ATP8B2: variants seen among roughly 807,000 people sequenced by gnomAD.
ATP8B2 encodes the protein phospholipid-transporting ATPase ID.
A neutral mutation model predicts 133.4 loss-of-function variants in ATP8B2; 70 were observed. The observed-to-expected ratio is 0.52, with a 90% CI of 0.43 to 0.64. ATP8B2 has a LOEUF of 0.64. Ranked by LOEUF, ATP8B2 falls within the 30% of genes least tolerant of loss-of-function variation. The pLI is 0.00. For missense variants in ATP8B2, 1,101 were observed against 1,535.7 expected (o/e 0.72, Z 4.73); for synonymous variants, 517 against 589.5 (o/e 0.88, Z 1.78).
In ATP8B2 at chr1:154,328,650, C is replaced by A. The variant is rs935206104; in HGVS notation, c.31+478C>A. 1 of 527,298 alleles carries A rather than the reference C, an allele frequency of 1.9e-6. No homozygotes were observed. Among genetic ancestry groups the A allele is most frequent in the South Asian group, 7.8e-5 (1 of 12,822 alleles). The allele number at this position is 527,298 out of a possible 1,614,324, so 32.7% of individuals were successfully genotyped here. ...GAGGCGGGGCTCGCGCGCGAGCTTT[C>A]GCCTACGCGGCGCGCTGGCAGGCTG... On this transcript the variant is annotated intron_variant, in intron 2 of 27. Coordinates refer to ENST00000368489, the MANE Select transcript of ATP8B2 (RefSeq NM_001370597.1). The surrounding 1 kb of genome is among the most constrained non-coding windows in gnomAD (Gnocchi z 4.6).
intron 12 of ATP8B2, among the ~76,000 whole-genome samples, chr1:154,339,964 T>C (rs1393568995): frequency 6.6e-6 from 1 of 152,082 alleles, no homozygotes; most frequent in Non-Finnish European, 1.5e-5. Flanking sequence ...GGAGGATCTC[T>C]TGAGTTCAGG....
In ATP8B2 at chr1:154,334,638, T is replaced by G. The variant is rs766256455; in HGVS notation, c.837+47T>G. 3 of 1,523,230 alleles carry G rather than the reference T, an allele frequency of 2.0e-6. No homozygotes were observed. The African/African-American group carries it at 4.1e-5, about 21-fold the overall frequency. The allele number at this position is 1,523,230 out of a possible 1,614,324, so 94.4% of individuals were successfully genotyped here. ...TCCCTGCCCCTGCCCTCTCTTCTCC[T>G]TGGGTGCTCCTTTTCCTTTCCTCTT... is the stretch of plus-strand genomic sequence containing the variant. On this transcript the variant is annotated intron_variant, in intron 11 of 27. Transcript: ENST00000368489. The surrounding 1 kb of genome is among the most constrained non-coding windows in gnomAD (Gnocchi z 4.6).
Position 154,340,458 on chromosome 1 carries a change from A to C in ATP8B2, c.1035-396A>C, listed in dbSNP as rs1319162686. On this transcript the variant is annotated intron_variant, in intron 12 of 27. Transcript: ENST00000368489. The surrounding 1 kb of genome is among the most constrained non-coding windows in gnomAD (Gnocchi z 4.0). ...TTGCTGTGGCATGCACAGCACCCTC[A>C]TTATTTCTCTCTCTCTTTTCTCTCC... 4.8e-6 allele frequency: 1 copy of C among 209,768 alleles called. No individual in the cohort carries two copies. Among genetic ancestry groups the C allele is most frequent in the Non-Finnish European group, 1.1e-5 (1 of 93,784 alleles). 13.0% of individuals were successfully genotyped at this position (209,768 alleles called of 1,614,324 possible). A position where few individuals can be genotyped will look rare whatever the true frequency, so the allele number is the denominator to read the frequency against.
At chr1:154,325,921 G>A (rs1685773683) in intron 1 of ATP8B2, among the ~76,000 whole-genome samples, 1 of 152,178 alleles carries the variant, frequency 6.6e-6, no homozygotes, top group African/African-American at 2.4e-5. Context: ...GCAGAGCGGG[G>A]GTCTGCGTAC....
At chr1:154,332,169 T>C in intron 8 of ATP8B2, 145 bp downstream of exon 8, 1 of 766,408 alleles carries the variant, frequency 1.3e-6, no homozygotes, top group Non-Finnish European at 2.2e-6. Flanking sequence ...ATGTGTGAAG[T>C]GTTATTCAAC....
Position 154,346,818 on chromosome 1 carries a change from G to A in ATP8B2, c.3163+60G>A. 1 of 1,565,464 alleles carries A rather than the reference G, an allele frequency of 6.4e-7. No individual in the cohort carries two copies. Among genetic ancestry groups the A allele is most frequent in the Non-Finnish European group, 8.7e-7 (1 of 1,143,672 alleles). ...ATCACAGCTGTTCTGGGACTAACAG[G>A]ACCATCAGCTAATCTGCACATTCAA... On this transcript the variant is annotated intron_variant, in intron 26 of 27. Coordinates refer to ENST00000368489, the MANE Select transcript of ATP8B2 (RefSeq NM_001370597.1). The surrounding 1 kb of genome is among the most constrained non-coding windows in gnomAD (Gnocchi z 4.5).
Position 154,349,002 on chromosome 1 carries a change from G to C in ATP8B2, c.3457G>C (p.Ala1153Pro), listed in dbSNP as rs763479110. The C allele has an allele frequency of 2.5e-6, 4 of 1,614,112 alleles. No homozygotes were observed. Among genetic ancestry groups the C allele is most frequent in the Non-Finnish European group, 3.4e-6 (4 of 1,180,054 alleles). Reference protein sequence around the residue: ...SGKNMRLSSLALSSFTTRSSS... With the variant: ...SGKNMRLSSLPLSSFTTRSSS... The stretch of plus-strand genomic sequence containing the variant: ...CAAGAACATGCGGCTGAGCTCTCTC[G>C]CGCTCTCCAGCTTCACCACCCGCTC... Residue 1153 changes from alanine to proline, a missense_variant, in exon 28 of 28, where the codon GCG (alanine) becomes CCG (proline). Ala to Pro is a conservative substitution (Grantham distance 27). Transcript: ENST00000368489.
intron 1 of ATP8B2, among the ~76,000 whole-genome samples, chr1:154,327,405 A>G (rs1685824171): frequency 7.1e-6 from 1 of 140,950 alleles, no homozygotes; most frequent in Admixed American, 7.0e-5. Flanking sequence ...ACCCTGTGCC[A>G]TACTGACTGG....
At chr1:154,333,900 G>A (rs1020017794) in intron 9 of ATP8B2, among the ~76,000 whole-genome samples, 2 of 152,128 alleles carry the variant, frequency 1.3e-5, no homozygotes. Flanking sequence ...CTCCCAAAGT[G>A]CTGGGATTAC....
Position 154,344,506 on chromosome 1 carries a change from C to T in ATP8B2, c.2141+6C>T, listed in dbSNP as rs1156719372. ...GAGGTGCGGGAGGAGCTCAGGTAAA[C>T]AAGAAGCCCAGGGGAGGCGGTGCTG... On this transcript the variant is annotated splice_donor_region_variant and intron_variant, in intron 20 of 27. Coordinates refer to ENST00000368489, the MANE Select transcript of ATP8B2 (RefSeq NM_001370597.1). This position sits in a 1 kb window ranked among gnomAD's most constrained non-coding sequence, Gnocchi z 4.1. The T allele has an allele frequency of 6.2e-7, 1 of 1,614,088 alleles. No individual in the cohort carries two copies. The highest frequency in any genetic ancestry group is 8.5e-7 in the Non-Finnish European group (1 of 1,179,992).
At chr1:154,347,487 C>A (rs539869212) in intron 26 of ATP8B2, among the ~76,000 whole-genome samples, 1 of 152,150 alleles carries the variant, frequency 6.6e-6, no homozygotes, top group African/African-American at 2.4e-5. Context: ...CAGAAGCTTA[C>A]TTATGTTTTT....
chr1:154,337,797 G>A, intron 12 of ATP8B2: 3 of 1,371,942 alleles, frequency 2.2e-6, no homozygotes, highest in Non-Finnish European at 2.9e-6. Context: ...TGCCTACTGT[G>A]TACAAAGAAG....
rs199713696 is a variant in ATP8B2 at position 154,343,089 on chromosome 1, C to T, written c.1454-24C>T. The T allele has an allele frequency of 4.4e-5, 71 of 1,605,898 alleles. No individual in the cohort carries two copies. Among genetic ancestry groups the T allele is most frequent in the Non-Finnish European group, 5.3e-5 (62 of 1,175,694 alleles). On this transcript the variant is annotated intron_variant, in intron 15 of 27. Transcript: ENST00000368489. The surrounding 1 kb of genome is among the most constrained non-coding windows in gnomAD (Gnocchi z 5.8). ...TGGCTGAGGGAAGCCACTTATATCA[C>T]GTGTATTCTTCCTCCCCACCCAGGA...
Position 154,342,462 on chromosome 1 carries a change from T to C in ATP8B2, c.1244-18T>C, listed in dbSNP as rs1354020353. 1.2e-6 allele frequency: 2 copies of C among 1,613,478 alleles called. No individual in the cohort carries two copies. Among genetic ancestry groups the C allele is most frequent in the South Asian group, 2.2e-5 (2 of 91,072 alleles). On this transcript the variant is annotated intron_variant, in intron 13 of 27. Coordinates refer to ENST00000368489, the MANE Select transcript of ATP8B2 (RefSeq NM_001370597.1). Reference sequence around the variant, plus strand: ...CTGGCTCTGACATTGCTTCTTTTTCTGCCCTGGCTGTATGTAGGTGATGTG... The same window carrying C: ...CTGGCTCTGACATTGCTTCTTTTTCCGCCCTGGCTGTATGTAGGTGATGTG...
Position 154,340,720 on chromosome 1 carries a change from A to G in ATP8B2, c.1035-134A>G. 2 of 836,172 alleles carry G rather than the reference A, an allele frequency of 2.4e-6. No individual in the cohort carries two copies. The highest frequency in any genetic ancestry group is 1.7e-5 in the African/African-American group (1 of 58,880). The allele number at this position is 836,172 out of a possible 1,614,324, so 51.8% of individuals were successfully genotyped here. On this transcript the variant is annotated intron_variant, in intron 12 of 27. Coordinates refer to ENST00000368489, the MANE Select transcript of ATP8B2 (RefSeq NM_001370597.1). The surrounding 1 kb of genome is among the most constrained non-coding windows in gnomAD (Gnocchi z 4.0). ...CTTCAGGCTCTCCTTGCCCTTTCCC[A>G]CCCAGGTTTCTGTGCCCAGGTGTCT... is the stretch of plus-strand genomic sequence containing the variant.
At position 154,343,960 on chromosome 1, in the gene ATP8B2, A is replaced by G; in HGVS notation, c.1826A>G (p.Glu609Gly). ...AYKDLDEEYY[E>G]EWAERRLQAS... ...AAGGATCTGGATGAAGAGTACTACG[A>G]GGAGTGGGCTGAGCGACGCCTCCAG... Residue 609 changes from glutamate to glycine, a missense_variant, in exon 18 of 28, where the codon GAG (glutamate) becomes GGG (glycine). Transcript: ENST00000368489. The surrounding 1 kb of genome is among the most constrained non-coding windows in gnomAD (Gnocchi z 5.8). The G allele has an allele frequency of 6.2e-7, 1 of 1,613,936 alleles. No individual in the cohort carries two copies. The highest frequency in any genetic ancestry group is 8.5e-7 in the Non-Finnish European group (1 of 1,179,898).
rs10664836 is a variant in ATP8B2 at position 154,346,873 on chromosome 1, TTTTA to T, written c.3163+135_3163+138del. 371 of 1,011,226 alleles carry T rather than the reference TTTTA, an allele frequency of 3.7e-4. No homozygotes were observed. The highest frequency in any genetic ancestry group is 4.5e-4 in the East Asian group (14 of 31,332). The allele number at this position is 1,011,226 out of a possible 1,614,324, so 62.6% of individuals were successfully genotyped here. A position where few individuals can be genotyped will look rare whatever the true frequency, so the allele number is the denominator to read the frequency against. On this transcript the variant is annotated intron_variant, in intron 26 of 27. Coordinates refer to ENST00000368489, the MANE Select transcript of ATP8B2 (RefSeq NM_001370597.1). The surrounding 1 kb of genome is among the most constrained non-coding windows in gnomAD (Gnocchi z 4.5). ...TCTTATGTGCCAAGTATTCTGTTTATTTTATTTATTTATTTATTTATTTTCGAGA... is the reference window on the plus strand; with the variant it reads ...TCTTATGTGCCAAGTATTCTGTTTATTTTATTTATTTATTTATTTTCGAGA...
Position 154,346,596 on chromosome 1 carries a change from C to T in ATP8B2, c.3025-24C>T. ...AAGGGGCTTTTAGGGCGTGCGCCTG[C>T]CTGACTATGCCTACTTTCTGCAGAT... On this transcript the variant is annotated intron_variant, in intron 25 of 27. Coordinates refer to ENST00000368489, the MANE Select transcript of ATP8B2 (RefSeq NM_001370597.1). The surrounding 1 kb of genome is among the most constrained non-coding windows in gnomAD (Gnocchi z 4.5). The T allele has an allele frequency of 6.2e-7, 1 of 1,614,018 alleles. No individual in the cohort carries two copies. The highest frequency in any genetic ancestry group is 8.5e-7 in the Non-Finnish European group (1 of 1,179,932).
chr1:154,327,228 C>T (rs1031244100), intron 1 of ATP8B2, among the ~76,000 whole-genome samples: 1 of 152,150 alleles, frequency 6.6e-6, no homozygotes, highest in African/African-American at 2.4e-5. Context: ...GCCTTCCACC[C>T]AGACAAGGAA....
Sources: gnomAD v4.1 joint callset for allele counts (sites outside exome capture counted in the v4.1 genomes callset) on GRCh38, gnomAD v4.1.1 for gene constraint, Gnocchi (gnomAD v3.1) non-coding constraint, MANE v1.5 for transcripts, NCBI Gene and HGNC (gene_info 2026-07-23, HGNC 2026-07-21) for gene names.